WDFY2: variants seen among roughly 807,000 people sequenced by gnomAD.
The protein encoded by WDFY2 is WD repeat and FYVE domain-containing protein 2.
A neutral mutation model predicts 56.4 loss-of-function variants in WDFY2; 36 were observed. The observed-to-expected ratio is 0.64, with a 90% CI of 0.49 to 0.84. The LOEUF (loss-of-function observed/expected upper bound fraction) is 0.84, where lower values mean the gene tolerates loss of function less well. WDFY2 is among the 40% of genes least tolerant of loss of function. The probability of loss-of-function intolerance (pLI) is 0.00; values close to 1 mark genes in which losing one functional copy is unlikely to be tolerated. For missense variants in WDFY2, 444 were observed against 512.2 expected (o/e 0.87, Z 1.29); for synonymous variants, 176 against 183.7 (o/e 0.96, Z 0.34).
rs1438540107 is a variant in WDFY2, at chr13:51,763,723, A to C, written c.*3954A>C. On this transcript the variant is annotated 3_prime_UTR_variant, in exon 12 of 12. Transcript: ENST00000298125. The stretch of plus-strand genomic sequence containing the variant: ...TGAGGCGGGAGGATCACTCGAGCCC[A>C]GGAATTCAAGGATGCAGTGAGCTAT... The C allele has an allele frequency of 6.6e-6, 1 of 152,236 alleles. No individual in the cohort carries two copies. The highest frequency in any genetic ancestry group is 1.5e-5 in the Non-Finnish European group (1 of 68,044). The allele number at this position is 152,236 out of a possible 1,614,324, so 9.4% of individuals were successfully genotyped here. A position where few individuals can be genotyped will look rare whatever the true frequency, so the allele number is the denominator to read the frequency against.
intron 4 of WDFY2, among the ~76,000 whole-genome samples, chr13:51,716,536 CA>C (rs1252768151): frequency 6.0e-5 from 9 of 150,530 alleles, no homozygotes; most frequent in African/African-American, 1.2e-4. Flanking sequence ...ACTAAAAATA[CA>C]AAAAAATTAG....
At chr13:51,669,770 A>C (rs931406246) in intron 2 of WDFY2, among the ~76,000 whole-genome samples, 1 of 152,246 alleles carries the variant, frequency 6.6e-6, no homozygotes, top group Non-Finnish European at 1.5e-5. Context: ...GGCAACCTAC[A>C]TATACCATGA....
intron 1 of WDFY2, chr13:51,585,963 A>G (rs143376231): frequency 7.5e-6 from 3 of 398,496 alleles, no homozygotes; most frequent in Non-Finnish European, 1.3e-5. Context: ...GAGTATATTA[A>G]TGACATGTTC....
intron 1 of WDFY2, among the ~76,000 whole-genome samples, chr13:51,643,764 G>A (rs1566334732): frequency 1.3e-5 from 2 of 151,818 alleles, no homozygotes; most frequent in East Asian, 1.9e-4. Context: ...GACAATATTC[G>A]TTTTTCTCTT....
chr13:51,644,239 G>T (rs116961063), intron 1 of WDFY2, among the ~76,000 whole-genome samples: 1 of 152,300 alleles, frequency 6.6e-6, no homozygotes, highest in East Asian at 1.9e-4. Context: ...GGCACTATCT[G>T]CAGACACAAA....
At chr13:51,585,770 A>C (rs1443897251) in intron 1 of WDFY2, among the ~76,000 whole-genome samples, 1 of 152,344 alleles carries the variant, frequency 6.6e-6, no homozygotes, top group Non-Finnish European at 1.5e-5. Context: ...AGGTTTTCTT[A>C]ATATAAGTTC....
At chr13:51,619,064 G>GT (rs1258774820) in intron 1 of WDFY2, among the ~76,000 whole-genome samples, 1 of 152,212 alleles carries the variant, frequency 6.6e-6, no homozygotes, top group African/African-American at 2.4e-5. Flanking sequence ...AGCAGATTGT[G>GT]TGCCTCACTG....
chr13:51,713,982 A>G (rs965870840), intron 4 of WDFY2, among the ~76,000 whole-genome samples: 1 of 152,042 alleles, frequency 6.6e-6, no homozygotes, highest in Non-Finnish European at 1.5e-5. Context: ...ATGGCGAGTT[A>G]GTGGGTAAAG....
chr13:51,658,084 G>A (rs1170581675), intron 1 of WDFY2, among the ~76,000 whole-genome samples: 1 of 151,962 alleles, frequency 6.6e-6, no homozygotes, highest in Non-Finnish European at 1.5e-5. Flanking sequence ...ATATTATAAT[G>A]CAGTAATTCT....
At chr13:51,623,183 C>A (rs370483303) in intron 1 of WDFY2, among the ~76,000 whole-genome samples, 1 of 151,036 alleles carries the variant, frequency 6.6e-6, no homozygotes, top group Non-Finnish European at 1.5e-5. Flanking sequence ...TAAAATGATA[C>A]AATTTATGTT....
At chr13:51,622,567 G>A (rs1258351177) in intron 1 of WDFY2, among the ~76,000 whole-genome samples, 1 of 152,208 alleles carries the variant, frequency 6.6e-6, no homozygotes, top group Non-Finnish European at 1.5e-5. Flanking sequence ...GAGCCTGGTG[G>A]AGGGCAGATT....
At chr13:51,668,323 T>TAA (rs1439259738) in intron 2 of WDFY2, among the ~76,000 whole-genome samples, 1 of 152,214 alleles carries the variant, frequency 6.6e-6, no homozygotes, top group Non-Finnish European at 1.5e-5. Flanking sequence ...AAATTTAGTG[T>TAA]AGTTAGATCA....
intron 1 of WDFY2, among the ~76,000 whole-genome samples, chr13:51,614,712 G>C (rs1287307763): frequency 6.6e-6 from 1 of 152,158 alleles, no homozygotes. Context: ...AACCAAAACT[G>C]TGTCACATTG....
chr13:51,660,126 C>G (rs1318183207), intron 1 of WDFY2, among the ~76,000 whole-genome samples: 1 of 152,012 alleles, frequency 6.6e-6, no homozygotes, highest in African/African-American at 2.4e-5. Flanking sequence ...AATCTTTAGA[C>G]AGGTATATAT....
Position 51,758,227 on chromosome 13 carries a change from A to ATT in WDFY2, c.1101_1102insTT (p.Asn368LeufsTer16). The ATT allele has an allele frequency of 6.3e-7, 1 of 1,596,666 alleles. No individual in the cohort carries two copies. The highest frequency in any genetic ancestry group is 1.1e-5 in the South Asian group (1 of 89,482). On this transcript the variant is annotated frameshift_variant, in exon 11 of 12. Coordinates refer to ENST00000298125, the MANE Select transcript of WDFY2 (RefSeq NM_052950.4). LOFTEE classifies it high-confidence loss of function. ...ACAGCCACCTTCCATGACAGTAAAC[A>ATT]TAACATTGTGCATGTGCATTTCGAT...
intron 1 of WDFY2, among the ~76,000 whole-genome samples, chr13:51,645,367 A>G (rs868665104): frequency 6.6e-6 from 1 of 152,098 alleles, no homozygotes; most frequent in Non-Finnish European, 1.5e-5. Context: ...CAAAAATAAC[A>G]ATTGTCCCCT....
intron 1 of WDFY2, among the ~76,000 whole-genome samples, chr13:51,600,766 G>A (rs1320600545): frequency 2.0e-5 from 3 of 152,116 alleles, no homozygotes; most frequent in African/African-American, 7.2e-5. Flanking sequence ...AATCCAGTAG[G>A]TGCCCACTAC....
At chr13:51,689,480 G>T (rs1274199939) in intron 3 of WDFY2, among the ~76,000 whole-genome samples, 2 of 152,142 alleles carry the variant, frequency 1.3e-5, no homozygotes, top group African/African-American at 2.4e-5. Flanking sequence ...TGCTGTGGTT[G>T]CACAAACCCC....
At position 51,755,474 on chromosome 13, in the gene WDFY2, T is replaced by C. The variant is rs772152180; in HGVS notation, c.933+15T>C. 5 of 1,607,710 alleles carry C rather than the reference T, an allele frequency of 3.1e-6. No individual in the cohort carries two copies. The South Asian group carries it at 5.5e-5, about 18-fold the overall frequency. On this transcript the variant is annotated intron_variant, in intron 9 of 11. Coordinates refer to ENST00000298125, the MANE Select transcript of WDFY2 (RefSeq NM_052950.4). ...GTCTAAGACAGGTGAGTGATATGGATGCTTCATCAAAATGTAATTATATGG... is the reference window on the plus strand; with the variant it reads ...GTCTAAGACAGGTGAGTGATATGGACGCTTCATCAAAATGTAATTATATGG...
Sources: allele counts gnomAD v4.1 joint callset (sites outside exome capture counted in the v4.1 genomes callset), GRCh38; gene constraint gnomAD v4.1.1; transcripts MANE v1.5; gene names NCBI Gene and HGNC (gene_info 2026-07-23, HGNC 2026-07-21).